ANO6: variants seen among roughly 807,000 people sequenced by gnomAD.
ANO6 encodes anoctamin 6.
ANO6 carries 106 observed loss-of-function variants against 117.5 expected under a neutral mutation model. That is an observed-to-expected ratio of 0.90 (90% confidence interval 0.77 to 1.06). The LOEUF is 1.06. Among genes scored for constraint, ANO6 ranks in the 50% least tolerant of loss-of-function variants. The pLI, the probability that ANO6 is intolerant of heterozygous loss-of-function variation, is 0.00. For synonymous variants in ANO6, 367 were observed against 385.1 expected (o/e 0.95, Z 0.55); for missense variants, 955 against 1,121.1 (o/e 0.85, Z 2.12).
intron 8 of ANO6, among the ~76,000 whole-genome samples, chr12:45,361,560 C>G (rs975312655): frequency 2.0e-5 from 3 of 152,066 alleles, no homozygotes; most frequent in African/African-American, 4.8e-5. Flanking sequence ...TGACTAGAAC[C>G]TCCAATATAA....
chr12:45,265,844 C>T (rs1938198510), intron 1 of ANO6, among the ~76,000 whole-genome samples: 1 of 152,162 alleles, frequency 6.6e-6, no homozygotes, highest in South Asian at 2.1e-4. Context: ...CAGTATAGAC[C>T]TACCCTAACA....
At chr12:45,418,892 T>C (rs930564989) in intron 17 of ANO6, among the ~76,000 whole-genome samples, 2 of 152,258 alleles carry the variant, frequency 1.3e-5, no homozygotes, top group Non-Finnish European at 2.9e-5. Flanking sequence ...GGATTTGTTA[T>C]ACTTCCAAGA....
At position 45,335,363 on chromosome 12, in the gene ANO6, C is replaced by T. The variant is rs11182984; in HGVS notation, c.279+3940C>T. ...TTATCCATTGTTTTGGATTAATCAT[C>T]ATGAGACCAGAACAGTTTTCCTAGA... On this transcript the variant is annotated intron_variant, in intron 3 of 19. Coordinates refer to ENST00000320560, the MANE Select transcript of ANO6 (RefSeq NM_001025356.3). Among the ~76,000 whole-genome samples, 257 of 152,094 alleles carry T rather than the reference C, an allele frequency of 1.7e-3. 8 individuals carry two copies. The East Asian group carries it at 0.042, about 25-fold the overall frequency.
intron 12 of ANO6, among the ~76,000 whole-genome samples, chr12:45,393,076 C>T (rs541363067): frequency 2.6e-5 from 4 of 152,224 alleles, no homozygotes; most frequent in East Asian, 3.9e-4. Flanking sequence ...TCTAACCCAT[C>T]GCAAGGAAGC....
At chr12:45,327,825 A>G (rs1409284604) in intron 2 of ANO6, among the ~76,000 whole-genome samples, 1 of 152,076 alleles carries the variant, frequency 6.6e-6, no homozygotes, top group Non-Finnish European at 1.5e-5. Flanking sequence ...TGTGTTGAGT[A>G]TATATTTTAT....
At chr12:45,406,831 T>C (rs1592028681) in intron 15 of ANO6, among the ~76,000 whole-genome samples, 1 of 152,256 alleles carries the variant, frequency 6.6e-6, no homozygotes, top group East Asian at 1.9e-4. Context: ...GAAATGATGA[T>C]CATCTCCATT....
intron 1 of ANO6, among the ~76,000 whole-genome samples, chr12:45,250,781 A>AG (rs1301832508): frequency 1.3e-5 from 2 of 151,244 alleles, no homozygotes; most frequent in African/African-American, 4.9e-5. Flanking sequence ...AAAAAAAAAA[A>AG]AGAGACAGTG....
At chr12:45,420,129 A>G (rs1013486475) in intron 17 of ANO6, among the ~76,000 whole-genome samples, 15 of 152,130 alleles carry the variant, frequency 9.9e-5, no homozygotes, top group African/African-American at 3.6e-4. Flanking sequence ...CCATGTACTG[A>G]GAGTTTAAAA....
intron 19 of ANO6, among the ~76,000 whole-genome samples, chr12:45,425,113 T>C (rs1036852582): frequency 3.9e-5 from 6 of 151,992 alleles, no homozygotes; most frequent in Non-Finnish European, 8.8e-5. Context: ...AAACTAAAAA[T>C]TATAAGGCAA....
At position 45,403,026 on chromosome 12, in the gene ANO6, G is replaced by C. The variant is rs73281571; in HGVS notation, c.1613-46G>C. The C allele has an allele frequency of 2.5e-3, 3,873 of 1,566,378 alleles. 76 individuals carry two copies. The African/African-American group carries it at 0.047, about 19-fold the overall frequency. ...CAGTATTTTTTATTAGAGTCTCAAA[G>C]CTGTTCACAATTTTAAAATCTTATT... On this transcript the variant is annotated intron_variant, in intron 13 of 19. Coordinates refer to ENST00000320560, the MANE Select transcript of ANO6 (RefSeq NM_001025356.3).
rs190961311 is a variant in ANO6 at position 45,431,138 on chromosome 12, T to C, written c.*1827T>C. The C allele has an allele frequency of 4.0e-5, 39 of 985,296 alleles. No homozygotes were observed. In the African/African-American group the frequency reaches 6.6e-4, roughly 17 times the overall value. 61.0% of individuals were successfully genotyped at this position (985,296 alleles called of 1,614,324 possible). On this transcript the variant is annotated 3_prime_UTR_variant, in exon 20 of 20. Coordinates refer to ENST00000320560, the MANE Select transcript of ANO6 (RefSeq NM_001025356.3). ...CGGGACCCCATTTCACTGTCTCTCTTGATCGTGTTAATGATGCAATCAGAG... is the reference window on the plus strand; with the variant it reads ...CGGGACCCCATTTCACTGTCTCTCTCGATCGTGTTAATGATGCAATCAGAG...
chr12:45,379,120 A>T (rs927631487), intron 10 of ANO6, among the ~76,000 whole-genome samples: 11 of 152,244 alleles, frequency 7.2e-5, no homozygotes, highest in Admixed American at 6.5e-4. Context: ...TATGAGGAAC[A>T]ACAGAATTCA....
chr12:45,299,195 C>T (rs1406337215), intron 1 of ANO6, among the ~76,000 whole-genome samples: 1 of 152,194 alleles, frequency 6.6e-6, no homozygotes, highest in East Asian at 1.9e-4. Context: ...CACATTTTAG[C>T]AAGTTTTAAA....
intron 12 of ANO6, among the ~76,000 whole-genome samples, chr12:45,393,079 A>C (rs1942500317): frequency 6.6e-6 from 1 of 152,220 alleles, no homozygotes; most frequent in African/African-American, 2.4e-5. Flanking sequence ...AACCCATCGC[A>C]AGGAAGCTAA....
At chr12:45,434,720 A>G (rs1176883590), downstream of ANO6, among the ~76,000 whole-genome samples, 1 of 152,234 alleles carries the variant, frequency 6.6e-6, no homozygotes, top group Non-Finnish European at 1.5e-5. Context: ...GGTATAACTA[A>G]GAAAAAATAT....
chr12:45,310,473 G>A (rs1390174412), intron 2 of ANO6, among the ~76,000 whole-genome samples: 1 of 152,052 alleles, frequency 6.6e-6, no homozygotes, highest in Non-Finnish European at 1.5e-5. Flanking sequence ...TGATTTTTGA[G>A]TTATGTGAGA....
At chr12:45,274,618 C>T (rs1401382752) in intron 1 of ANO6, among the ~76,000 whole-genome samples, 1 of 152,036 alleles carries the variant, frequency 6.6e-6, no homozygotes, top group South Asian at 2.1e-4. Context: ...TTCTCTTTTA[C>T]ACCTTTATAC....
intron 2 of ANO6, among the ~76,000 whole-genome samples, chr12:45,322,036 CTG>C: frequency 2.0e-5 from 3 of 152,026 alleles, no homozygotes; most frequent in Non-Finnish European, 4.4e-5. Context: ...TGCTAAGGTG[CTG>C]GCAGTTTTAC....
chr12:45,237,856 G>A (rs1265403468), intron 1 of ANO6, among the ~76,000 whole-genome samples: 1 of 152,196 alleles, frequency 6.6e-6, no homozygotes, highest in Admixed American at 6.5e-5. Flanking sequence ...CTACCCATGA[G>A]CATGGAATGT....
Sources: gnomAD v4.1 joint callset for allele counts (sites outside exome capture counted in the v4.1 genomes callset) on GRCh38, gnomAD v4.1.1 for gene constraint, MANE v1.5 for transcripts, NCBI Gene and HGNC (gene_info 2026-07-23, HGNC 2026-07-21) for gene names.